The following ASXL1 variants were observed in gnomAD, a reference collection of about 807,000 sequenced individuals.
The protein encoded by ASXL1 is ASXL transcriptional regulator 1.
Under a neutral mutation model 89.1 loss-of-function variants are expected in ASXL1, and 65 were observed. That is an observed-to-expected ratio of 0.73 (90% CI 0.60 to 0.90). The LOEUF is 0.90. Among genes scored for constraint, ASXL1 ranks in the 40% least tolerant of loss-of-function variants. The probability of loss-of-function intolerance (pLI) is 0.00; values close to 1 mark genes in which losing one functional copy is unlikely to be tolerated. For synonymous variants in ASXL1, 739 were observed against 746.9 expected (o/e 0.99, Z 0.17); for missense variants, 1,786 against 1,942.9 (o/e 0.92, Z 1.52).
intron 4 of ASXL1, among the ~76,000 whole-genome samples, chr20:32,391,289 C>T (rs2048666866): frequency 6.6e-6 from 1 of 152,136 alleles, no homozygotes; most frequent in Non-Finnish European, 1.5e-5. Flanking sequence ...GGACTACTTC[C>T]TCCTTTTGGC....
At chr20:32,372,345 T>TC in intron 4 of ASXL1, 1 of 1,169,980 alleles carries the variant, frequency 8.5e-7, no homozygotes, top group Non-Finnish European at 1.1e-6. Flanking sequence ...ATGTTGCTTA[T>TC]CCTTCATAGT....
intron 10 of ASXL1, among the ~76,000 whole-genome samples, chr20:32,431,974 G>A (rs979575186): frequency 6.6e-6 from 1 of 152,208 alleles, no homozygotes; most frequent in Admixed American, 6.5e-5. Flanking sequence ...TGGTCTGGAA[G>A]GGTGGAGGAA....
At chr20:32,394,748 C>T (rs2048732899) in intron 4 of ASXL1, among the ~76,000 whole-genome samples, 2 of 151,322 alleles carry the variant, frequency 1.3e-5, no homozygotes, top group African/African-American at 4.9e-5. Flanking sequence ...GAGTCTCACT[C>T]GGTTGCCCAG....
In ASXL1 at chr20:32,427,970, G is replaced by A. The variant is rs914689809; in HGVS notation, c.253-158G>A. 1.1e-5 allele frequency: 11 copies of A among 1,020,944 alleles called. No individual in the cohort carries two copies. In the Admixed American group the frequency reaches 2.1e-4, roughly 20 times the overall value. The allele number at this position is 1,020,944 out of a possible 1,614,324, so 63.2% of individuals were successfully genotyped here. A position where few individuals can be genotyped will look rare whatever the true frequency, so the allele number is the denominator to read the frequency against. On this transcript the variant is annotated intron_variant, in intron 4 of 12. Coordinates refer to ENST00000375687, the MANE Select transcript of ASXL1 (RefSeq NM_015338.6). ...CTAACTTTCTTAATGATATATTTAT[G>A]AAAAGAACTTGCTGAGAAAAAGGTC...
intron 4 of ASXL1, among the ~76,000 whole-genome samples, chr20:32,388,783 G>C (rs532448276): frequency 2.0e-5 from 3 of 152,132 alleles, no homozygotes; most frequent in South Asian, 4.2e-4. Flanking sequence ...CTTTAAGATA[G>C]TGATTATTCA....
intron 4 of ASXL1, among the ~76,000 whole-genome samples, chr20:32,378,735 A>G (rs1458171752): frequency 3.9e-5 from 6 of 151,998 alleles, no homozygotes; most frequent in Non-Finnish European, 8.8e-5. Flanking sequence ...ATGCTTTTAT[A>G]AAATGGTTGT....
At chr20:32,374,985 AATTT>A (rs994318539) in intron 4 of ASXL1, among the ~76,000 whole-genome samples, 3 of 152,188 alleles carry the variant, frequency 2.0e-5, no homozygotes, top group African/African-American at 7.2e-5. Context: ...AAAGAAAATT[AATTT>A]ATTTCTTACA....
In ASXL1 at chr20:32,435,575, A is replaced by G. The variant is rs369771079; in HGVS notation, c.2863A>G (p.Ser955Gly). The G allele has an allele frequency of 6.2e-7, 1 of 1,613,980 alleles. No homozygotes were observed. The highest frequency in any genetic ancestry group is 8.5e-7 in the Non-Finnish European group (1 of 1,180,034). The change falls in exon 13 of 13, where the codon AGC becomes GGC. Residue 955 changes from serine (S) to glycine (G), a missense_variant. Physicochemically the swap from Ser to Gly is moderately conservative, Grantham distance 56. This residue lies in a region of ASXL1 where 1,418 missense variants were observed against 1,427.8 expected (regional missense o/e 0.99). Coordinates refer to ENST00000375687, the MANE Select transcript of ASXL1 (RefSeq NM_015338.6). ...TAEEGLDPLD[S>G]LTSLWTVPSR... ...TGAGGAGGGTCTAGATCCTCTTGAC[A>G]GCCTTACTTCACTCTGGACTGTGCC...
chr20:32,433,887 T>C lies in ASXL1; in HGVS notation c.1689T>C (p.Thr563=). 1 of 1,613,558 alleles carries C rather than the reference T, an allele frequency of 6.2e-7. No homozygotes were observed. The highest frequency in any genetic ancestry group is 1.1e-5 in the South Asian group (1 of 91,082). The stretch of plus-strand genomic sequence containing the variant: ...TTCACACCGAAAAGCCACAGCCCAC[T>C]AAAGAGGAGCCCAAAGTCCCGCCCA... ...ESVHTEKPQP[T]KEEPKVPPIR... The change falls in exon 12 of 13, where the codon ACT becomes ACC. Residue 563 remains threonine, a synonymous_variant. Transcript: ENST00000375687.
intron 4 of ASXL1, among the ~76,000 whole-genome samples, chr20:32,370,461 C>T (rs2048283576): frequency 6.6e-6 from 1 of 151,784 alleles, no homozygotes; most frequent in Non-Finnish European, 1.5e-5. Flanking sequence ...CTTACGAAAA[C>T]AGGCTGCAGG....
intron 4 of ASXL1, among the ~76,000 whole-genome samples, chr20:32,417,626 C>T (rs1205552838): frequency 6.6e-6 from 1 of 152,122 alleles, no homozygotes; most frequent in Non-Finnish European, 1.5e-5. Context: ...AAAATTAAAA[C>T]ATCATTAATG....
At chr20:32,421,987 G>C (rs978904133) in intron 4 of ASXL1, among the ~76,000 whole-genome samples, 3 of 148,764 alleles carry the variant, frequency 2.0e-5, no homozygotes, top group Non-Finnish European at 4.4e-5. Flanking sequence ...TCCTGCCTCA[G>C]CCTCCCGAGT....
chr20:32,382,142 A>ATTT (rs2048498506), intron 4 of ASXL1, among the ~76,000 whole-genome samples: 1 of 150,654 alleles, frequency 6.6e-6, no homozygotes, highest in South Asian at 2.1e-4. Context: ...TTTATTTTTT[A>ATTT]TTTTTATTTT....
In ASXL1 at chr20:32,429,666, A is replaced by C; in HGVS notation, c.565+235A>C. Reference sequence around the variant, plus strand: ...ATCCAACGGAGGATTTGATTATGCCAGTGCTTTGTAAAAGGTGTAGTGCTA... The same window carrying C: ...ATCCAACGGAGGATTTGATTATGCCCGTGCTTTGTAAAAGGTGTAGTGCTA... On this transcript the variant is annotated intron_variant, in intron 7 of 12. Coordinates refer to ENST00000375687, the MANE Select transcript of ASXL1 (RefSeq NM_015338.6). The surrounding 1 kb of genome is among the most constrained non-coding windows in gnomAD (Gnocchi z 4.9). 1 of 702,948 alleles carries C rather than the reference A, an allele frequency of 1.4e-6. No homozygotes were observed. The highest frequency in any genetic ancestry group is 1.9e-5 in the South Asian group (1 of 53,862). The allele number at this position is 702,948 out of a possible 1,614,324, so 43.5% of individuals were successfully genotyped here.
intron 10 of ASXL1, among the ~76,000 whole-genome samples, chr20:32,431,894 A>G (rs2011526805): frequency 6.6e-6 from 1 of 152,204 alleles, no homozygotes; most frequent in African/African-American, 2.4e-5. Flanking sequence ...ACTATATTGT[A>G]TGTATGTACT....
chr20:32,373,213 C>T (rs748066492), intron 4 of ASXL1, among the ~76,000 whole-genome samples: 87 of 151,182 alleles, frequency 5.8e-4, no homozygotes, highest in Non-Finnish European at 1.1e-3. Context: ...CCCGTCTCTA[C>T]GAAAAATACA....
rs138624526 is a variant in ASXL1, at chr20:32,435,131, G to C, written c.2419G>C (p.Val807Leu). The part of the protein sequence containing the change: ...ESDDEEQGPT[V>L]PADNGPIPSL... ...TGATGATGAGGAGCAAGGACCCACC[G>C]TTCCTGCAGACAATGGTCCCATTCC... Residue 807 changes from valine (V) to leucine (L), a missense_variant, in exon 13 of 13, where the codon GTT becomes CTT. This residue lies in a region of ASXL1 where 1,418 missense variants were observed against 1,427.8 expected (regional missense o/e 0.99). Transcript: ENST00000375687. 1.2e-6 allele frequency: 2 copies of C among 1,613,962 alleles called. No homozygotes were observed. Among genetic ancestry groups the C allele is most frequent in the South Asian group, 1.1e-5 (1 of 91,080 alleles).
In ASXL1 at chr20:32,433,726, C is replaced by T; in HGVS notation, c.1528C>T (p.Leu510=). Residue 510 remains leucine (L), a synonymous_variant, in exon 12 of 13, where the codon CTG becomes TTG. Transcript: ENST00000375687. ...TGCATCTCCAGACAGAATTCCTAGCCTGCCTCAGGAAACTGTGGATCAGGA... is the reference window on the plus strand; with the variant it reads ...TGCATCTCCAGACAGAATTCCTAGCTTGCCTCAGGAAACTGTGGATCAGGA... The part of the protein sequence containing the change: ...ASASPDRIPS[L]PQETVDQEPK... 3.7e-6 allele frequency: 6 copies of T among 1,613,470 alleles called. No homozygotes were observed. Among genetic ancestry groups the T allele is most frequent in the Non-Finnish European group, 5.1e-6 (6 of 1,179,514 alleles).
intron 4 of ASXL1, among the ~76,000 whole-genome samples, chr20:32,405,061 C>T (rs1200428288): frequency 6.6e-6 from 1 of 152,092 alleles, no homozygotes; most frequent in Non-Finnish European, 1.5e-5. Flanking sequence ...TCATAAAGTT[C>T]TAAGTACAGT....
Sources: allele counts gnomAD v4.1 joint callset (sites outside exome capture counted in the v4.1 genomes callset), GRCh38; gene constraint gnomAD v4.1.1; regional missense constraint gnomAD v4.1.1; non-coding constraint Gnocchi (gnomAD v3.1); transcripts MANE v1.5; gene names NCBI Gene and HGNC (gene_info 2026-07-23, HGNC 2026-07-21).